Variants in DPP10 observed in about 807,000 individuals in gnomAD.
DPP10 encodes dipeptidyl peptidase like 10.
DPP10 carries 33 observed loss-of-function variants against 120.9 expected under a neutral mutation model. The observed-to-expected ratio is 0.27, with a 90% CI of 0.21 to 0.37. DPP10 has a LOEUF of 0.37. Ranked by LOEUF, DPP10 falls within the 10% of genes least tolerant of loss-of-function variation. The pLI is 1.00. For missense variants in DPP10, 816 were observed against 942.8 expected, an observed-to-expected ratio of 0.87 and a Z score of 1.76; for synonymous variants, 337 against 326.1, an observed-to-expected ratio of 1.03 and a Z score of -0.36.
rs527955961 is a variant in DPP10 at position 114,578,887 on chromosome 2, TAACTCAA to T, written c.60+136058_60+136064del. On this transcript the variant is annotated intron_variant, in intron 1 of 25. Coordinates refer to ENST00000410059, the MANE Select transcript of DPP10 (RefSeq NM_020868.6). Reference sequence around the variant, plus strand: ...AACCCTATGTTTGTACTTTTACATTTAACTCAAAACTCAAATATTAGTGAATTCCTTT... The same window carrying T: ...AACCCTATGTTTGTACTTTTACATTTAACTCAAATATTAGTGAATTCCTTT... Among the ~76,000 whole-genome samples the T allele has an allele frequency of 6.3e-3, 961 of 152,336 alleles. 9 individuals carry two copies. The highest frequency in any genetic ancestry group is 0.022 in the African/African-American group (932 of 41,574).
rs544691768 is a variant in DPP10 at position 115,595,283 on chromosome 2, T to A, written c.441+69311T>A. 2.6e-5 allele frequency among the ~76,000 whole-genome samples: 4 copies of A among 152,186 alleles called. 1 individual carries two copies. Among genetic ancestry groups the A allele is most frequent in the Admixed American group, 2.6e-4 (4 of 15,284 alleles). On this transcript the variant is annotated intron_variant, in intron 5 of 25. Coordinates refer to ENST00000410059, the MANE Select transcript of DPP10 (RefSeq NM_020868.6). ...AGTTTACTCAACAGGTTAAAAAAAA[T>A]CTGTTACTATCTCTTACTATTAACT...
chr2:115,254,230 A>G (rs762215352), intron 1 of DPP10, among the ~76,000 whole-genome samples: 4 of 152,202 alleles, frequency 2.6e-5, no homozygotes, highest in Non-Finnish European at 4.4e-5. Context: ...GGAGGCAAAC[A>G]TGTTCTTCAC....
intron 19 of DPP10, among the ~76,000 whole-genome samples, chr2:115,809,604 C>T (rs1686394954): frequency 6.6e-6 from 1 of 152,060 alleles, no homozygotes; most frequent in Non-Finnish European, 1.5e-5. Context: ...AATTGCAACC[C>T]TTGGTTCTCA....
chr2:115,511,815 C>T (rs1181167566), intron 4 of DPP10, among the ~76,000 whole-genome samples: 1 of 149,646 alleles, frequency 6.7e-6, no homozygotes, highest in Non-Finnish European at 1.5e-5. Context: ...GCAGCCTCAA[C>T]CTCCCAGGCT....
At chr2:114,548,283 A>G (rs1375857021) in intron 1 of DPP10, among the ~76,000 whole-genome samples, 1 of 152,192 alleles carries the variant, frequency 6.6e-6, no homozygotes, top group Admixed American at 6.5e-5. Context: ...GGCATTCCTG[A>G]TTCCGTCATA....
intron 3 of DPP10, among the ~76,000 whole-genome samples, chr2:115,411,155 AC>A (rs2068926272): frequency 6.6e-6 from 1 of 151,986 alleles, no homozygotes; most frequent in African/African-American, 2.4e-5. Flanking sequence ...GCATGGTGAA[AC>A]CCTGTCTCTA....
intron 3 of DPP10, among the ~76,000 whole-genome samples, chr2:115,361,149 T>C (rs577017263): frequency 6.6e-6 from 1 of 151,882 alleles, no homozygotes; most frequent in Non-Finnish European, 1.5e-5. Context: ...TTCCAGAGCA[T>C]GGTATACCCA....
chr2:115,053,111 A>G (rs1213304557), intron 1 of DPP10, among the ~76,000 whole-genome samples: 1 of 152,214 alleles, frequency 6.6e-6, no homozygotes, highest in East Asian at 1.9e-4. Flanking sequence ...TGACACAGTA[A>G]TACCACTCCC....
chr2:114,996,959 C>T (rs565162010), intron 1 of DPP10, among the ~76,000 whole-genome samples: 8 of 125,118 alleles, frequency 6.4e-5, no homozygotes, highest in Middle Eastern at 6.4e-3. Context: ...TCTAGCCTGG[C>T]GACAGAGCAA....
chr2:115,465,746 C>T (rs1310099924), intron 3 of DPP10, among the ~76,000 whole-genome samples: 1 of 152,134 alleles, frequency 6.6e-6, no homozygotes, highest in African/African-American at 2.4e-5. Flanking sequence ...CACTTGAACC[C>T]ATAAGGCAGA....
At chr2:114,597,033 G>A (rs1464936347) in intron 1 of DPP10, among the ~76,000 whole-genome samples, 1 of 151,992 alleles carries the variant, frequency 6.6e-6, no homozygotes, top group Admixed American at 6.6e-5. Flanking sequence ...ATGTCCTACA[G>A]GGCAGTACAG....
At chr2:114,488,446 G>T (rs932010085) in intron 1 of DPP10, among the ~76,000 whole-genome samples, 2 of 152,056 alleles carry the variant, frequency 1.3e-5, no homozygotes, top group African/African-American at 4.8e-5. Flanking sequence ...TCTCAACTAG[G>T]GTGGCTCATT....
At chr2:115,511,731 C>CTTCTTCT (rs1553436011) in intron 4 of DPP10, among the ~76,000 whole-genome samples, 6 of 82,640 alleles carry the variant, frequency 7.3e-5, no homozygotes, top group East Asian at 4.5e-4. Flanking sequence ...TCTTCTTCTT[C>CTTCTTCT]TTTTTTTTTT....
chr2:114,773,874 G>T (rs1269046367), intron 1 of DPP10, among the ~76,000 whole-genome samples: 1 of 151,848 alleles, frequency 6.6e-6, no homozygotes, highest in Admixed American at 6.6e-5. Context: ...TTATCTGCTA[G>T]TGAACAAAAA....
chr2:115,414,381 G>A (rs544205284), intron 3 of DPP10, among the ~76,000 whole-genome samples: 2 of 152,200 alleles, frequency 1.3e-5, no homozygotes, highest in East Asian at 1.9e-4. Context: ...CATGCTCTGA[G>A]GGAGGCACAT....
intron 16 of DPP10, among the ~76,000 whole-genome samples, chr2:115,781,995 G>A (rs1216249232): frequency 6.6e-6 from 1 of 151,968 alleles, no homozygotes; most frequent in Non-Finnish European, 1.5e-5. Flanking sequence ...TTGGATCAGT[G>A]GATGAGGGGT....
rs529221570 is a variant in DPP10 at position 115,082,042 on chromosome 2, G to T, written c.61-227197G>T. Among the ~76,000 whole-genome samples, 302 of 152,158 alleles carry T rather than the reference G, an allele frequency of 2.0e-3. 1 individual carries two copies. The highest frequency in any genetic ancestry group is 2.1e-3 in the South Asian group (10 of 4,822). Reference sequence around the variant, plus strand: ...TTTTCAGGCCTCAAAATGTCTTATTGTCTTGTTGTCTGTGTGATGCTTTTA... The same window carrying T: ...TTTTCAGGCCTCAAAATGTCTTATTTTCTTGTTGTCTGTGTGATGCTTTTA... On this transcript the variant is annotated intron_variant, in intron 1 of 25. Coordinates refer to ENST00000410059, the MANE Select transcript of DPP10 (RefSeq NM_020868.6).
chr2:115,392,478 A>G (rs1257632213), intron 3 of DPP10, among the ~76,000 whole-genome samples: 4 of 152,050 alleles, frequency 2.6e-5, no homozygotes, highest in Non-Finnish European at 2.9e-5. Flanking sequence ...ATAAAGATGT[A>G]TGCTTTCATT....
At chr2:115,271,058 C>G (rs990049047) in intron 1 of DPP10, among the ~76,000 whole-genome samples, 1 of 152,160 alleles carries the variant, frequency 6.6e-6, no homozygotes, top group Non-Finnish European at 1.5e-5. Flanking sequence ...CAAGCTCTTT[C>G]CACCACATAA....
Sources: allele counts gnomAD v4.1 joint callset (sites outside exome capture counted in the v4.1 genomes callset), GRCh38; gene constraint gnomAD v4.1.1; transcripts MANE v1.5; gene names NCBI Gene and HGNC (gene_info 2026-07-23, HGNC 2026-07-21).